Variants in ERBB4 observed in about 807,000 individuals in gnomAD.
ERBB4 encodes receptor tyrosine-protein kinase erbB-4.
ERBB4 carries 42 observed loss-of-function variants against 158.0 expected under a neutral mutation model. The ratio of observed to expected loss-of-function variants is 0.27; its 90% confidence interval spans 0.21 to 0.34. The LOEUF is 0.34. ERBB4 is among the 10% of genes least tolerant of loss of function. The probability of loss-of-function intolerance (pLI) is 1.00; values close to 1 mark genes in which losing one functional copy is unlikely to be tolerated. For missense variants in ERBB4, 1,333 were observed against 1,624.1 expected, an observed-to-expected ratio of 0.82 and a Z score of 3.08; for synonymous variants, 583 against 558.7, an observed-to-expected ratio of 1.04 and a Z score of -0.61.
chr2:211,664,211 G>A (rs2105915688), intron 15 of ERBB4, among the ~76,000 whole-genome samples: 1 of 152,238 alleles, frequency 6.6e-6, no homozygotes, highest in East Asian at 1.9e-4. Flanking sequence ...GATGTCGCTT[G>A]CTTAATTTCT....
At chr2:211,823,389 A>G (rs931707781) in intron 3 of ERBB4, among the ~76,000 whole-genome samples, 1 of 151,946 alleles carries the variant, frequency 6.6e-6, no homozygotes, top group African/African-American at 2.4e-5. Flanking sequence ...ACTGAAACCA[A>G]CATAAGGGGT....
intron 2 of ERBB4, among the ~76,000 whole-genome samples, chr2:211,981,458 G>A (rs2081794511): frequency 6.6e-6 from 1 of 152,172 alleles, no homozygotes; most frequent in African/African-American, 2.4e-5. Context: ...TTTGCCTGTA[G>A]GTTTAGGTGT....
chr2:212,130,247 G>A (rs1391592676), intron 1 of ERBB4, among the ~76,000 whole-genome samples: 2 of 152,096 alleles, frequency 1.3e-5, no homozygotes, highest in African/African-American at 4.8e-5. Flanking sequence ...AAATTTACAT[G>A]TGATCCCTAA....
At chr2:211,884,428 T>G (rs991100043) in intron 3 of ERBB4, among the ~76,000 whole-genome samples, 8 of 152,126 alleles carry the variant, frequency 5.3e-5, no homozygotes, top group African/African-American at 1.9e-4. Context: ...AGAAAAGTAA[T>G]GTCTTACTTT....
chr2:211,694,561 C>CTT (rs58556416), intron 12 of ERBB4, among the ~76,000 whole-genome samples: 63,596 of 148,334 alleles, frequency 0.43, 13,867 homozygotes, highest in Middle Eastern at 0.54. Context: ...TACTTGAATG[C>CTT]TTTTTTTTTT....
At chr2:212,299,581 A>C (rs1235073791) in intron 1 of ERBB4, among the ~76,000 whole-genome samples, 2 of 151,578 alleles carry the variant, frequency 1.3e-5, no homozygotes, top group Admixed American at 6.6e-5. Context: ...TTTGAGTCTC[A>C]TTACTGAATA....
chr2:211,995,524 C>T (rs1419453003), intron 2 of ERBB4, among the ~76,000 whole-genome samples: 1 of 152,154 alleles, frequency 6.6e-6, no homozygotes, highest in Non-Finnish European at 1.5e-5. Flanking sequence ...CCCATCTCAG[C>T]CTCCGAAAGT....
At chr2:211,804,043 G>C (rs2076558559) in intron 3 of ERBB4, among the ~76,000 whole-genome samples, 1 of 152,116 alleles carries the variant, frequency 6.6e-6, no homozygotes, top group Non-Finnish European at 1.5e-5. Flanking sequence ...AATGATTCTT[G>C]AAATGTGTGC....
intron 1 of ERBB4, among the ~76,000 whole-genome samples, chr2:212,324,343 CA>C (rs2087718033): frequency 6.6e-6 from 1 of 150,506 alleles, no homozygotes; most frequent in South Asian, 2.1e-4. Context: ...TGGACTGAAC[CA>C]AGAGGAAATA....
intron 1 of ERBB4, among the ~76,000 whole-genome samples, chr2:212,240,676 A>G (rs76466299): frequency 0.47 from 63,068 of 132,994 alleles, 14,226 homozygotes; most frequent in East Asian, 0.7. Flanking sequence ...AACAGAAAAA[A>G]AAGAAAAAAG....
chr2:211,894,609 G>A (rs2079054088), intron 3 of ERBB4, among the ~76,000 whole-genome samples: 1 of 152,076 alleles, frequency 6.6e-6, no homozygotes, highest in South Asian at 2.1e-4. Context: ...TCACTAATGA[G>A]CTGTCATGCA....
At chr2:211,807,747 G>A (rs2076654293) in intron 3 of ERBB4, among the ~76,000 whole-genome samples, 1 of 152,230 alleles carries the variant, frequency 6.6e-6, no homozygotes. Flanking sequence ...CACCAATGGT[G>A]TGAAAGAGTT....
chr2:212,175,686 G>T (rs1010024958), intron 1 of ERBB4, among the ~76,000 whole-genome samples: 2 of 150,542 alleles, frequency 1.3e-5, no homozygotes, highest in East Asian at 2.0e-4. Flanking sequence ...AAGCTTCCAA[G>T]ATTTATTCTT....
At chr2:212,155,307 A>G (rs1306674256) in intron 1 of ERBB4, among the ~76,000 whole-genome samples, 3 of 151,934 alleles carry the variant, frequency 2.0e-5, no homozygotes, top group Non-Finnish European at 4.4e-5. Context: ...TAATTATTAT[A>G]AAAAAGTTCA....
chr2:212,372,937 TA>T (rs1264498252), intron 1 of ERBB4, among the ~76,000 whole-genome samples: 2 of 152,004 alleles, frequency 1.3e-5, no homozygotes, highest in South Asian at 2.1e-4. Context: ...AAACTATACA[TA>T]ACAGGGAAAA....
At chr2:212,285,708 G>C (rs1350116228) in intron 1 of ERBB4, among the ~76,000 whole-genome samples, 1 of 151,958 alleles carries the variant, frequency 6.6e-6, no homozygotes, top group East Asian at 1.9e-4. Context: ...TTTAAGAGGA[G>C]GAAAAATTAT....
chr2:211,906,973 A>G (rs757005687), intron 3 of ERBB4, among the ~76,000 whole-genome samples: 3 of 151,642 alleles, frequency 2.0e-5, no homozygotes, highest in Non-Finnish European at 4.4e-5. Flanking sequence ...GGTGTGTACC[A>G]GCGCTTGATT....
chr2:211,563,714 A>G (rs7595473), intron 19 of ERBB4, among the ~76,000 whole-genome samples: 47,842 of 152,018 alleles, frequency 0.31, 10,010 homozygotes, highest in African/African-American at 0.6. Context: ...AAGTCTTTAT[A>G]GATGAACTAT....
At chr2:211,933,839 TAA>T (rs2080240412) in intron 3 of ERBB4, among the ~76,000 whole-genome samples, 1 of 152,014 alleles carries the variant, frequency 6.6e-6, no homozygotes, top group South Asian at 2.1e-4. Flanking sequence ...AAGAATAGAT[TAA>T]GAGATTTTTA....
Sources: allele counts gnomAD v4.1 joint callset (sites outside exome capture counted in the v4.1 genomes callset), GRCh38; gene constraint gnomAD v4.1.1; transcripts MANE v1.5; gene names NCBI Gene and HGNC (gene_info 2026-07-23, HGNC 2026-07-21).